The following ARHGEF11 variants were observed in gnomAD, a reference collection of about 807,000 sequenced individuals.
The protein encoded by ARHGEF11 is Rho guanine exchange factor (GEF) 11.
A neutral mutation model predicts 193.7 loss-of-function variants in ARHGEF11; 55 were observed. That is an observed-to-expected ratio of 0.28 (90% confidence interval 0.23 to 0.36). ARHGEF11 has a LOEUF of 0.36. ARHGEF11 is among the 10% of genes least tolerant of loss of function. The pLI is 1.00. For synonymous variants in ARHGEF11, 693 were observed against 768.0 expected (o/e 0.90, Z 1.62); for missense variants, 1,723 against 2,005.6 (o/e 0.86, Z 2.69).
intron 1 of ARHGEF11, among the ~76,000 whole-genome samples, chr1:157,033,525 C>G (rs1671556966): frequency 1.3e-5 from 2 of 152,182 alleles, no homozygotes; most frequent in African/African-American, 4.8e-5. Flanking sequence ...CCATGGTGAT[C>G]TTGCTTTTGT....
At position 157,035,853 on chromosome 1, in the gene ARHGEF11, TTAGGAATATATA is replaced by T. The variant is rs1180465577; in HGVS notation, c.32+8434_32+8445del. Among the ~76,000 whole-genome samples the T allele has an allele frequency of 1.0e-3, 130 of 129,442 alleles. 2 individuals carry two copies. Among genetic ancestry groups the T allele is most frequent in the South Asian group, 2.2e-3 (8 of 3,664 alleles). 84.9% of individuals were successfully genotyped at this position (129,442 alleles called of 152,430 possible). ...ATATGGAATATATATATGTATATAT[TTAGGAATATATA>T]TAGGAATATATATAGGAATATATAT... is the stretch of plus-strand genomic sequence containing the variant. On this transcript the variant is annotated intron_variant, in intron 1 of 40. Transcript: ENST00000368194.
chr1:156,995,840 G>C (rs930319701), intron 1 of ARHGEF11, among the ~76,000 whole-genome samples: 3 of 151,934 alleles, frequency 2.0e-5, no homozygotes, highest in African/African-American at 7.3e-5. Context: ...ACTGTGCCCG[G>C]CCGGTTTGGG....
chr1:157,031,533 C>T (rs1472936277), intron 1 of ARHGEF11, among the ~76,000 whole-genome samples: 2 of 152,182 alleles, frequency 1.3e-5, no homozygotes, highest in Non-Finnish European at 2.9e-5. Flanking sequence ...TATCCTCGGA[C>T]CCACATCTGC....
intron 21 of ARHGEF11, 68 bp from the exon 22 acceptor site, chr1:156,951,767 T>G: frequency 6.3e-7 from 1 of 1,597,344 alleles, no homozygotes; most frequent in Non-Finnish European, 8.6e-7. Flanking sequence ...GGCTTGGACT[T>G]CCCCAGATCC....
chr1:156,950,863 T>C (rs1658988550), intron 22 of ARHGEF11, among the ~76,000 whole-genome samples: 1 of 152,194 alleles, frequency 6.6e-6, no homozygotes, highest in Admixed American at 6.5e-5. Flanking sequence ...TTTTTAAGTG[T>C]TGGCTATAGA....
At position 156,958,722 on chromosome 1, in the gene ARHGEF11, G is replaced by C; in HGVS notation, c.1502+20C>G. On this transcript the variant is annotated intron_variant, in intron 17 of 40. Transcript: ENST00000368194. ...CTGCTTAGGATGTTCAGTGGGGTGG[G>C]AGGAAGCTGAAAGACTCACAAAATA... 2 of 1,614,130 alleles carry C rather than the reference G, an allele frequency of 1.2e-6. No homozygotes were observed. Among genetic ancestry groups the C allele is most frequent in the Non-Finnish European group, 1.7e-6 (2 of 1,180,012 alleles).
chr1:156,935,758 G>A lies in ARHGEF11; in HGVS notation c.*242C>T, dbSNP rs1654926884. On this transcript the variant is annotated 3_prime_UTR_variant, in exon 41 of 41. Transcript: ENST00000368194. Reference sequence around the variant, plus strand: ...GGGGCCTTTCGGATGCAGTCAGCATGCTTAGGAGACATGAGGCCTTGGAGG... The same window carrying A: ...GGGGCCTTTCGGATGCAGTCAGCATACTTAGGAGACATGAGGCCTTGGAGG... 1 of 531,286 alleles carries A rather than the reference G, an allele frequency of 1.9e-6. No individual in the cohort carries two copies. Among genetic ancestry groups the A allele is most frequent in the Non-Finnish European group, 3.3e-6 (1 of 298,800 alleles). The allele number at this position is 531,286 out of a possible 1,614,324, so 32.9% of individuals were successfully genotyped here.
chr1:156,949,205 C>T, intron 22 of ARHGEF11: 1 of 677,790 alleles, frequency 1.5e-6, no homozygotes, highest in African/African-American at 2.0e-5. Context: ...GCAGGACCCG[C>T]TCCTTGGCCT....
intron 34 of ARHGEF11, among the ~76,000 whole-genome samples, 154 bp downstream of exon 34, chr1:156,941,710 G>T (rs1386220879): frequency 2.0e-5 from 3 of 152,244 alleles, no homozygotes; most frequent in Non-Finnish European, 4.4e-5. Flanking sequence ...CAGGGGGCAT[G>T]TTCCTCCATC....
chr1:157,001,409 G>A (rs1350810508), intron 1 of ARHGEF11, among the ~76,000 whole-genome samples: 2 of 152,098 alleles, frequency 1.3e-5, no homozygotes, highest in Non-Finnish European at 2.9e-5. Flanking sequence ...TGCAGCTCTC[G>A]CCACAGTTTC....
intron 3 of ARHGEF11, 54 bp downstream of exon 3, chr1:156,984,285 C>T (rs1381214780): frequency 7.1e-7 from 1 of 1,398,764 alleles, no homozygotes; most frequent in African/African-American, 1.4e-5. Context: ...CTGTCACATA[C>T]ATGGTGGCTT....
rs1474559875 is a variant in ARHGEF11, at chr1:156,936,885, G to A, written c.4561C>T (p.Pro1521Ser). 6.2e-7 allele frequency: 1 copy of A among 1,614,196 alleles called. No individual in the cohort carries two copies. The highest frequency in any genetic ancestry group is 2.2e-5 in the East Asian group (1 of 44,866). The change falls in exon 40 of 41, where the codon CCT (proline) becomes TCT (serine). Residue 1521 changes from proline to serine, a missense_variant. By Grantham distance (74) the Pro-to-Ser change is moderately conservative. Coordinates refer to ENST00000368194, the MANE Select transcript of ARHGEF11 (RefSeq NM_198236.3). ...AARWTDGSLSPPAKEPLASDS... is the reference protein window; with the variant it reads ...AARWTDGSLSSPAKEPLASDS... ...GAAGCTAGGGGCTCCTTAGCGGGAGGTGAGAGGGAGCCATCTGTCCATCTA... is the reference window on the plus strand; with the variant it reads ...GAAGCTAGGGGCTCCTTAGCGGGAGATGAGAGGGAGCCATCTGTCCATCTA...
rs191279373 is a variant in ARHGEF11 at position 156,969,233 on chromosome 1, G to A, written c.825+49C>T. 2,738 of 1,507,910 alleles carry A rather than the reference G, an allele frequency of 1.8e-3. 3 individuals are homozygous for A. Among genetic ancestry groups the A allele is most frequent in the Admixed American group, 2.3e-3 (122 of 51,970 alleles). The allele number at this position is 1,507,910 out of a possible 1,614,324, so 93.4% of individuals were successfully genotyped here. A position where few individuals can be genotyped will look rare whatever the true frequency, so the allele number is the denominator to read the frequency against. On this transcript the variant is annotated intron_variant, in intron 10 of 40. Transcript: ENST00000368194. ...GGCAGCAGAACTTGGGTCAAGGGAA[G>A]GGACCCCGAATGCACGTTCTGAATG...
chr1:156,990,865 T>C (rs143813598), intron 1 of ARHGEF11, among the ~76,000 whole-genome samples: 31 of 152,328 alleles, frequency 2.0e-4, no homozygotes, highest in Admixed American at 2.0e-3. Flanking sequence ...GACCTGGAAT[T>C]AAACATTTCT....
intron 7 of ARHGEF11, among the ~76,000 whole-genome samples, chr1:156,973,692 T>C (rs879456669): frequency 3.3e-5 from 5 of 152,176 alleles, no homozygotes; most frequent in Non-Finnish European, 5.9e-5. Context: ...TATCTCACTC[T>C]GTCACTGGTA....
intron 1 of ARHGEF11, among the ~76,000 whole-genome samples, chr1:156,997,346 T>C (rs1408851534): frequency 1.3e-5 from 2 of 152,218 alleles, no homozygotes; most frequent in African/African-American, 2.4e-5. Context: ...ATGGAGGGCC[T>C]TAAACGGTAT....
At chr1:157,029,951 T>C (rs989062168) in intron 1 of ARHGEF11, among the ~76,000 whole-genome samples, 26 of 151,700 alleles carry the variant, frequency 1.7e-4, no homozygotes, top group Non-Finnish European at 2.4e-4. Context: ...GGCAAAACCA[T>C]AGAGAAAAAA....
At chr1:156,986,471 A>G (rs1664933276) in intron 1 of ARHGEF11, among the ~76,000 whole-genome samples, 1 of 152,202 alleles carries the variant, frequency 6.6e-6, no homozygotes, top group South Asian at 2.1e-4. Flanking sequence ...GGGGATGTGC[A>G]CACGTGTACA....
chr1:156,964,033 AG>A (rs1284761665), intron 11 of ARHGEF11, among the ~76,000 whole-genome samples: 2 of 152,228 alleles, frequency 1.3e-5, no homozygotes, highest in Non-Finnish European at 2.9e-5. Context: ...GCTACTGAAC[AG>A]TTATTCTGTG....
Sources: gnomAD v4.1 joint callset for allele counts (sites outside exome capture counted in the v4.1 genomes callset) on GRCh38, gnomAD v4.1.1 for gene constraint, MANE v1.5 for transcripts, NCBI Gene and HGNC (gene_info 2026-07-23, HGNC 2026-07-21) for gene names.